Variants in TSG101 observed in about 807,000 individuals in gnomAD.
TSG101 encodes the protein tumor susceptibility 101.
A neutral mutation model predicts 48.5 loss-of-function variants in TSG101; 19 were observed. The observed-to-expected ratio is 0.39, with a 90% CI of 0.27 to 0.58. The LOEUF (loss-of-function observed/expected upper bound fraction) is 0.58. Ranked by LOEUF, TSG101 falls within the 20% of genes least tolerant of loss-of-function variation. The probability of loss-of-function intolerance (pLI) is 0.55; values close to 1 mark genes in which losing one functional copy is unlikely to be tolerated. For missense variants in TSG101, 365 were observed against 484.4 expected, an observed-to-expected ratio of 0.75 and a Z score of 2.31; for synonymous variants, 174 against 169.4, an observed-to-expected ratio of 1.03 and a Z score of -0.21.
chr11:18,498,195 G>A (rs1849814032), intron 7 of TSG101, among the ~76,000 whole-genome samples: 2 of 152,294 alleles, frequency 1.3e-5, no homozygotes, highest in South Asian at 2.1e-4. Flanking sequence ...TAGGAGATGA[G>A]GTCAGAAAAG....
rs139478645 is a variant in TSG101 at position 18,481,771 on chromosome 11, G to C, written c.942C>G (p.Ile314Met). Residue 314 changes from isoleucine to methionine, a missense_variant, in exon 9 of 10, where the codon ATC becomes ATG. Physicochemically the swap from Ile to Met is conservative, Grantham distance 10 (BLOSUM62 1). Coordinates refer to ENST00000251968, the MANE Select transcript of TSG101 (RefSeq NM_006292.4). ...GAGCTGTGGGAATGATAACTTCATC[G>C]ATATCATTGTTTTCAGACTGATTTT... ...KMENQSENND[I>M]DEVIIPTAPL... 6.2e-7 allele frequency: 1 copy of C among 1,614,094 alleles called. No individual in the cohort carries two copies. The highest frequency in any genetic ancestry group is 8.5e-7 in the Non-Finnish European group (1 of 1,180,014).
intron 1 of TSG101, among the ~76,000 whole-genome samples, chr11:18,524,613 C>T (rs1377565137): frequency 2.0e-5 from 3 of 152,302 alleles, no homozygotes; most frequent in African/African-American, 4.8e-5. Context: ...TGCTCAGAAT[C>T]GTCATAATCA....
At chr11:18,484,988 G>C (rs950189333) in intron 7 of TSG101, among the ~76,000 whole-genome samples, 1 of 137,998 alleles carries the variant, frequency 7.2e-6, no homozygotes, top group East Asian at 2.1e-4. Context: ...ACCCAGGCTG[G>C]AGTGCAGTCG....
rs575920219 is a variant in TSG101, at chr11:18,502,552, G to C, written c.574C>G (p.Pro192Ala). The C allele has an allele frequency of 2.2e-5, 36 of 1,612,994 alleles. No individual in the cohort carries two copies. The Admixed American group carries it at 3.7e-4, about 16-fold the overall frequency. The part of the protein sequence containing the change: ...PSGYPGCPYP[P>A]GGPYPATTSS... ...GTTGTGGCAGGATATGGACCACCAG[G>C]TGGGTAAGGACAGCCTGGGTAACCA... is the stretch of plus-strand genomic sequence containing the variant. The change falls in exon 7 of 10, where the codon CCT becomes GCT. Residue 192 changes from proline (P) to alanine (A), a missense_variant. Coordinates refer to ENST00000251968, the MANE Select transcript of TSG101 (RefSeq NM_006292.4).
rs138878060 is a variant in TSG101 at position 18,514,834 on chromosome 11, T to C, written c.201A>G (p.Thr67=). The change falls in exon 4 of 10, where the codon ACA becomes ACG. Residue 67 remains threonine (T), a synonymous_variant. Coordinates refer to ENST00000251968, the MANE Select transcript of TSG101 (RefSeq NM_006292.4). ...GCCATAGGCATATTGGAATATTGTA[T>C]GTATTACCTGAAAAAGAAATAGAAA... The part of the protein sequence containing the change: ...GTIPVPYRGN[T]YNIPICLWLL... The C allele has an allele frequency of 1.2e-4, 192 of 1,541,812 alleles. No individual in the cohort carries two copies. The highest frequency in any genetic ancestry group is 1.0e-3 in the Middle Eastern group (6 of 5,790).
intron 8 of TSG101, 181 bp downstream of exon 8, chr11:18,483,689 A>G (rs1269995195): frequency 1.1e-5 from 7 of 664,954 alleles, no homozygotes; most frequent in African/African-American, 1.8e-5. Context: ...CCAATCTAAG[A>G]CCAAATGCCA....
chr11:18,490,377 T>A (rs1408647432), intron 7 of TSG101: 1 of 601,250 alleles, frequency 1.7e-6, no homozygotes, highest in Admixed American at 2.0e-5. Context: ...AATTGCTTCA[T>A]CAAATACTGT....
chr11:18,523,833 T>A (rs1003622113), intron 1 of TSG101, among the ~76,000 whole-genome samples: 2 of 152,206 alleles, frequency 1.3e-5, no homozygotes, highest in Non-Finnish European at 2.9e-5. Context: ...GTTTATTTTT[T>A]ACTTTTTGAG....
chr11:18,526,662 C>T (rs998807660), intron 1 of TSG101, 113 bp downstream of exon 1: 1 of 1,336,200 alleles, frequency 7.5e-7, no homozygotes, highest in East Asian at 2.5e-5. Flanking sequence ...AAGGACTGCA[C>T]CGGGGCTTCC....
intron 7 of TSG101, chr11:18,491,093 T>A (rs1314079217): frequency 5.9e-6 from 1 of 170,160 alleles, no homozygotes; most frequent in Non-Finnish European, 1.2e-5. Flanking sequence ...TAGCAGCAGC[T>A]CCTGTATTCG....
At chr11:18,496,270 T>G (rs984836994) in intron 7 of TSG101, among the ~76,000 whole-genome samples, 11 of 151,600 alleles carry the variant, frequency 7.3e-5, no homozygotes, top group Non-Finnish European at 1.5e-4. Context: ...TTGACCAGCC[T>G]GGCTAACATA....
rs748464901 is a variant in TSG101 at position 18,484,041 on chromosome 11, G to A, written c.672C>T (p.Asp224=). 12 of 1,614,160 alleles carry A rather than the reference G, an allele frequency of 7.4e-6. No homozygotes were observed. Among genetic ancestry groups the A allele is most frequent in the Non-Finnish European group, 9.3e-6 (11 of 1,180,034 alleles). The change falls in exon 8 of 10, where the codon GAC becomes GAT. Residue 224 remains aspartate (D), a synonymous_variant. Transcript: ENST00000251968. ...GPSRDGTISE[D]TIRASLISAV... Reference sequence around the variant, plus strand: ...CAGAGATGAGAGAGGCTCGGATGGTGTCCTCGCTGATTGTGCCATCCCTAC... The same window carrying A: ...CAGAGATGAGAGAGGCTCGGATGGTATCCTCGCTGATTGTGCCATCCCTAC...
At chr11:18,522,026 G>C (rs1850286878) in intron 1 of TSG101, among the ~76,000 whole-genome samples, 1 of 152,078 alleles carries the variant, frequency 6.6e-6, no homozygotes. Flanking sequence ...GACATCAACT[G>C]TTCTCCTGCA....
At chr11:18,518,754 T>C (rs555290513) in intron 2 of TSG101, among the ~76,000 whole-genome samples, 1 of 152,160 alleles carries the variant, frequency 6.6e-6, no homozygotes, top group South Asian at 2.1e-4. Context: ...GGATGTATTA[T>C]ACAATATATT....
intron 7 of TSG101, among the ~76,000 whole-genome samples, chr11:18,501,123 T>G (rs1420256093): frequency 6.6e-6 from 1 of 152,212 alleles, no homozygotes; most frequent in African/African-American, 2.4e-5. Context: ...GCTTTTTAAT[T>G]TAGTATCATC....
chr11:18,506,801 C>T lies in TSG101; in HGVS notation c.548+56G>A. 4 of 1,393,208 alleles carry T rather than the reference C, an allele frequency of 2.9e-6. No individual in the cohort carries two copies. In the South Asian group the frequency reaches 6.6e-5, roughly 23 times the overall value. 86.3% of individuals were successfully genotyped at this position (1,393,208 alleles called of 1,614,324 possible). On this transcript the variant is annotated intron_variant, in intron 6 of 9. Transcript: ENST00000251968. ...CCCTAATTAGCAAATTATTTTGATT[C>T]TAGATCTAATAGAAGAATTTGTAAT...
rs146802409 is a variant in TSG101 at position 18,520,743 on chromosome 11, A to G, written c.43-1140T>C. ...TCTAGAGGTTATTTTCATGATTACA[A>G]AATTTCCGGCCAGGCGTGGTGGCTT... is the stretch of plus-strand genomic sequence containing the variant. On this transcript the variant is annotated intron_variant, in intron 1 of 9. Coordinates refer to ENST00000251968, the MANE Select transcript of TSG101 (RefSeq NM_006292.4). Among the ~76,000 whole-genome samples the G allele has an allele frequency of 5.9e-3, 895 of 152,280 alleles. 9 individuals are homozygous for G. Among genetic ancestry groups the G allele is most frequent in the African/African-American group, 0.021 (863 of 41,538 alleles).
intron 7 of TSG101, among the ~76,000 whole-genome samples, chr11:18,494,138 G>A (rs893710679): frequency 3.3e-5 from 5 of 152,044 alleles, no homozygotes; most frequent in African/African-American, 1.2e-4. Context: ...AGGTAAGTAG[G>A]TATAAGTCTT....
intron 7 of TSG101, among the ~76,000 whole-genome samples, chr11:18,485,125 T>C (rs553516072): frequency 5.4e-4 from 82 of 152,190 alleles, no homozygotes; most frequent in African/African-American, 1.9e-3. Flanking sequence ...TCTAATTACC[T>C]GTTAGATGAT....
Sources: gnomAD v4.1 joint callset for allele counts (sites outside exome capture counted in the v4.1 genomes callset) on GRCh38, gnomAD v4.1.1 for gene constraint, MANE v1.5 for transcripts, NCBI Gene and HGNC (gene_info 2026-07-23, HGNC 2026-07-21) for gene names.